KIF25: variants seen among roughly 807,000 people sequenced by gnomAD.
KIF25 encodes kinesin-like protein KIF25.
KIF25 carries 19 observed loss-of-function variants against 32.9 expected under a neutral mutation model. The ratio of observed to expected loss-of-function variants is 0.58; its 90% CI spans 0.40 to 0.85. KIF25 has a LOEUF of 0.85. Among genes scored for constraint, KIF25 ranks in the 40% least tolerant of loss-of-function variants. The pLI is 0.00. For synonymous variants in KIF25, 225 were observed against 213.7 expected, an observed-to-expected ratio of 1.05 and a Z score of -0.46; for missense variants, 485 against 507.0, an observed-to-expected ratio of 0.96 and a Z score of 0.42.
intron 5 of KIF25, among the ~76,000 whole-genome samples, chr6:168,019,578 C>G (rs227235): frequency 6.6e-6 from 1 of 152,016 alleles, no homozygotes; most frequent in South Asian, 2.1e-4. Flanking sequence ...GACTCCATAG[C>G]GAGTGGACAG....
intron 5 of KIF25, among the ~76,000 whole-genome samples, chr6:168,022,806 T>C (rs1798806362): frequency 6.6e-6 from 1 of 150,940 alleles, no homozygotes; most frequent in Admixed American, 6.6e-5. Flanking sequence ...TTGTGTACTC[T>C]TGGCTGTGGG....
intron 12 of KIF25, among the ~76,000 whole-genome samples, chr6:168,044,059 G>A (rs117049397): frequency 2.0e-4 from 31 of 152,304 alleles, no homozygotes; most frequent in African/African-American, 7.5e-4. Flanking sequence ...ACTCAACCTA[G>A]GGCTGACTTC....
rs184661784 is a variant in KIF25, at chr6:168,021,553, C to T, written c.-95+3513C>T. On this transcript the variant is annotated intron_variant, in intron 5 of 12. Coordinates refer to ENST00000643607, the MANE Select transcript of KIF25 (RefSeq NM_030615.4). ...AAATATACCTGACATAAAAGTTTAC[C>T]ATTTTAGCCATTTTTAAGTATACAG... 2.7e-3 allele frequency among the ~76,000 whole-genome samples: 416 copies of T among 152,214 alleles called. 2 individuals carry two copies. Among genetic ancestry groups the T allele is most frequent in the Non-Finnish European group, 4.1e-3 (281 of 68,014 alleles).
chr6:168,031,146 A>G (rs764438879), intron 7 of KIF25, among the ~76,000 whole-genome samples: 3 of 152,196 alleles, frequency 2.0e-5, no homozygotes, highest in Non-Finnish European at 4.4e-5. Flanking sequence ...TGCAGCTGCC[A>G]TTCTCTCTGG....
chr6:168,010,698 A>C (rs1408261580), intron 4 of KIF25, among the ~76,000 whole-genome samples: 1 of 151,990 alleles, frequency 6.6e-6, no homozygotes, highest in East Asian at 1.9e-4. Context: ...TAGATGATCT[A>C]TCCAATGCTG....
chr6:168,009,417 A>G (rs1376820978), intron 4 of KIF25, among the ~76,000 whole-genome samples: 3 of 152,152 alleles, frequency 2.0e-5, no homozygotes, highest in Non-Finnish European at 4.4e-5. Context: ...TTTTGGGATA[A>G]ATCCCACTTC....
In KIF25 at chr6:168,001,127, C is replaced by T. The variant is rs778800716; in HGVS notation, c.-369-1416C>T. Among the ~76,000 whole-genome samples the T allele has an allele frequency of 7.2e-5, 11 of 152,206 alleles. 1 individual carries two copies. The South Asian group carries it at 1.4e-3, about 20-fold the overall frequency. On this transcript the variant is annotated intron_variant, in intron 2 of 12. Transcript: ENST00000643607. The stretch of plus-strand genomic sequence containing the variant: ...GACTGGAAATTGGGCCTGTCGGATA[C>T]GTCAGTGTGGCGCGGGACAGGCCAA...
At chr6:167,999,683 C>T (rs893995511) in intron 2 of KIF25, among the ~76,000 whole-genome samples, 3 of 152,168 alleles carry the variant, frequency 2.0e-5, no homozygotes, top group African/African-American at 7.2e-5. Flanking sequence ...AGGGAGCACC[C>T]TGCCTTTATG....
chr6:168,041,401 C>T (rs28439485), intron 10 of KIF25, among the ~76,000 whole-genome samples: 11,515 of 152,112 alleles, frequency 0.076, 622 homozygotes, highest in East Asian at 0.22. Context: ...CTACCAAAAA[C>T]GCTCCCGATA....
chr6:168,003,338 C>T (rs1173953517), intron 3 of KIF25, among the ~76,000 whole-genome samples: 3 of 151,994 alleles, frequency 2.0e-5, no homozygotes, highest in Non-Finnish European at 4.4e-5. Flanking sequence ...AAATAAAAAG[C>T]ATAAGGTCCA....
intron 12 of KIF25, among the ~76,000 whole-genome samples, chr6:168,044,484 T>G (rs1799187227): frequency 1.4e-5 from 2 of 143,510 alleles, no homozygotes; most frequent in South Asian, 4.6e-4. Context: ...AGTGACCGGC[T>G]GCTGACCCTC....
chr6:168,002,829 A>G (rs1798526659), intron 3 of KIF25, among the ~76,000 whole-genome samples, 170 bp downstream of exon 3: 1 of 152,226 alleles, frequency 6.6e-6, no homozygotes, highest in Admixed American at 6.5e-5. Flanking sequence ...ATTTTCCTGT[A>G]ACTAGAGGGT....
intron 5 of KIF25, 112 bp from the exon 6 acceptor site, chr6:168,029,380 A>G: frequency 1.4e-6 from 1 of 714,614 alleles, no homozygotes; most frequent in Non-Finnish European, 2.1e-6. Flanking sequence ...TAACTAGACA[A>G]TTAAGGAAAT....
At chr6:168,016,966 C>T (rs916510477) in intron 4 of KIF25, among the ~76,000 whole-genome samples, 6 of 152,242 alleles carry the variant, frequency 3.9e-5, no homozygotes, top group Non-Finnish European at 5.9e-5. Context: ...GGGATTCCCA[C>T]GGCCTCTCAC....
In KIF25 at chr6:168,042,328, A is replaced by G. The variant is rs56168144; in HGVS notation, c.829+177A>G. ...AGGGATTGGTTCTCTTACCCCGGCA[A>G]CCCGAGAGTCGTGTTCCTCACACGG... is the stretch of plus-strand genomic sequence containing the variant. On this transcript the variant is annotated intron_variant, in intron 11 of 12. Transcript: ENST00000643607. 0.023 allele frequency among the ~76,000 whole-genome samples: 3,575 copies of G among 152,202 alleles called. 155 individuals carry two copies. The highest frequency in any genetic ancestry group is 0.082 in the African/African-American group (3,399 of 41,518).
chr6:168,010,103 G>A (rs1562381544), intron 4 of KIF25, among the ~76,000 whole-genome samples: 1 of 151,762 alleles, frequency 6.6e-6, no homozygotes, highest in African/African-American at 2.4e-5. Flanking sequence ...TTAATTATGG[G>A]TTTGATTTGT....
intron 4 of KIF25, among the ~76,000 whole-genome samples, chr6:168,007,136 C>G (rs1022394291): frequency 3.9e-5 from 6 of 152,184 alleles, no homozygotes; most frequent in Non-Finnish European, 5.9e-5. Flanking sequence ...TACAACTGAG[C>G]ATGGTGGCTC....
chr6:168,040,250 T>C, intron 10 of KIF25, 34 bp downstream of exon 10: 1 of 1,583,124 alleles, frequency 6.3e-7, no homozygotes. Context: ...CAGTGGCAAG[T>C]AATAGAAAAA....
intron 5 of KIF25, among the ~76,000 whole-genome samples, chr6:168,023,365 T>A (rs560717719): frequency 3.0e-4 from 45 of 151,804 alleles, no homozygotes; most frequent in Non-Finnish European, 5.6e-4. Flanking sequence ...CCTTCTGGGT[T>A]CGAGCGATTC....
Sources: allele counts gnomAD v4.1 joint callset (sites outside exome capture counted in the v4.1 genomes callset), GRCh38; gene constraint gnomAD v4.1.1; transcripts MANE v1.5; gene names NCBI Gene and HGNC (gene_info 2026-07-23, HGNC 2026-07-21).